The following EPS8 variants were observed in gnomAD, a reference collection of about 807,000 sequenced individuals.
EPS8 encodes EGFR pathway substrate 8, signaling adaptor, also known as epidermal growth factor receptor kinase substrate 8.
EPS8 carries 42 observed loss-of-function variants against 103.8 expected under a neutral mutation model. That is an observed-to-expected ratio of 0.40 (90% CI 0.32 to 0.52). The LOEUF (loss-of-function observed/expected upper bound fraction) is 0.52, where lower values mean the gene tolerates loss of function less well. Ranked by LOEUF, EPS8 falls within the 20% of genes least tolerant of loss-of-function variation. The pLI, the probability that EPS8 is intolerant of heterozygous loss-of-function variation, is 0.40. For synonymous variants in EPS8, 344 were observed against 344.6 expected, an observed-to-expected ratio of 1.00 and a Z score of 0.02; for missense variants, 969 against 1,005.1, an observed-to-expected ratio of 0.96 and a Z score of 0.49.
At chr12:15,705,324 AATAGAT>A (rs1452870017) in intron 1 of EPS8, among the ~76,000 whole-genome samples, 1 of 152,252 alleles carries the variant, frequency 6.6e-6, no homozygotes, top group African/African-American at 2.4e-5. Context: ...AATGATTTGT[AATAGAT>A]ATATTGTTTC....
intron 1 of EPS8, among the ~76,000 whole-genome samples, chr12:15,707,300 T>C (rs1462729347): frequency 3.3e-5 from 5 of 152,182 alleles, no homozygotes; most frequent in African/African-American, 1.2e-4. Flanking sequence ...ATTTTTGTTT[T>C]TAATAACCTA....
At chr12:15,708,558 G>A (rs767971660) in intron 1 of EPS8, among the ~76,000 whole-genome samples, 7 of 152,220 alleles carry the variant, frequency 4.6e-5, no homozygotes, top group Non-Finnish European at 7.3e-5. Flanking sequence ...GGCAATGTCT[G>A]AGATGTGTGC....
chr12:15,718,892 T>C (rs988607007), intron 1 of EPS8, among the ~76,000 whole-genome samples: 3 of 152,164 alleles, frequency 2.0e-5, no homozygotes, highest in Admixed American at 6.5e-5. Context: ...AAGGCATTTC[T>C]TACAGAAGTA....
At chr12:15,786,056 A>G (rs1337127216) in intron 1 of EPS8, among the ~76,000 whole-genome samples, 1 of 152,006 alleles carries the variant, frequency 6.6e-6, no homozygotes, top group Non-Finnish European at 1.5e-5. Context: ...CAAAGGGGGA[A>G]GCATAACTCT....
intron 1 of EPS8, among the ~76,000 whole-genome samples, chr12:15,782,631 A>G (rs1947271618): frequency 6.6e-6 from 1 of 152,064 alleles, no homozygotes. Flanking sequence ...AGTCTACTTT[A>G]TCATTTTATG....
At chr12:15,655,877 T>C (rs1945499151) in intron 12 of EPS8, among the ~76,000 whole-genome samples, 1 of 152,164 alleles carries the variant, frequency 6.6e-6, no homozygotes, top group Admixed American at 6.5e-5. Flanking sequence ...AGGCCCTGAA[T>C]AGATGTTCCT....
In EPS8 at chr12:15,688,786, C is replaced by T. The variant is rs1236400611; in HGVS notation, c.-21-5814G>A. Among the ~76,000 whole-genome samples the T allele has an allele frequency of 6.6e-6, 1 of 152,160 alleles. No individual in the cohort carries two copies. The highest frequency in any genetic ancestry group is 6.5e-5 in the Admixed American group (1 of 15,274). ...TTCTTCCCATACGCCAAGGCAATAA[C>T]CCCAGGATACAGAAAACCCCCTGTC... is the stretch of plus-strand genomic sequence containing the variant. On this transcript the variant is annotated intron_variant, in intron 1 of 20. Coordinates refer to ENST00000281172, the MANE Select transcript of EPS8 (RefSeq NM_004447.6). The surrounding 1 kb of genome is among the most constrained non-coding windows in gnomAD (Gnocchi z 5.1).
In EPS8 at chr12:15,665,774, C is replaced by T; in HGVS notation, c.718G>A (p.Ala240Thr). The change falls in exon 8 of 21, where the codon GCA (alanine) becomes ACA (threonine). Residue 240 changes from alanine (A) to threonine (T), a missense_variant. Coordinates refer to ENST00000281172, the MANE Select transcript of EPS8 (RefSeq NM_004447.6). Reference sequence around the variant, plus strand: ...GACTCACAGTCCCCTTGGTCGGCTGCCCATGCAGACCAGGCTGCCACTCGA... The same window carrying T: ...GACTCACAGTCCCCTTGGTCGGCTGTCCATGCAGACCAGGCTGCCACTCGA... Reference protein sequence around the residue: ...RSRVAAWSAWAADQGDFEKPR... With the variant: ...RSRVAAWSAWTADQGDFEKPR... 1 of 1,613,446 alleles carries T rather than the reference C, an allele frequency of 6.2e-7. No individual in the cohort carries two copies. Among genetic ancestry groups the T allele is most frequent in the Non-Finnish European group, 8.5e-7 (1 of 1,179,754 alleles).
rs538272312 is a variant in EPS8, at chr12:15,667,975, C to T, written c.516+1412G>A. Reference sequence around the variant, plus strand: ...TCACAGCATAGTAACTTTTAGCTCCCGGGGGGGGCTTTTTAGAACACAGAT... The same window carrying T: ...TCACAGCATAGTAACTTTTAGCTCCTGGGGGGGGCTTTTTAGAACACAGAT... On this transcript the variant is annotated intron_variant, in intron 6 of 20. Coordinates refer to ENST00000281172, the MANE Select transcript of EPS8 (RefSeq NM_004447.6). Among the ~76,000 whole-genome samples, 39 of 151,468 alleles carry T rather than the reference C, an allele frequency of 2.6e-4. 1 individual carries two copies. Among genetic ancestry groups the T allele is most frequent in the African/African-American group, 5.8e-4 (24 of 41,294 alleles).
At chr12:15,737,252 C>A (rs1946775750) in intron 1 of EPS8, among the ~76,000 whole-genome samples, 1 of 152,088 alleles carries the variant, frequency 6.6e-6, no homozygotes, top group Non-Finnish European at 1.5e-5. Context: ...GTTTAATTTT[C>A]TCCTTTTATG....
intron 12 of EPS8, 103 bp from the exon 13 acceptor site, chr12:15,654,396 T>C: frequency 3.0e-6 from 3 of 1,012,626 alleles, no homozygotes; most frequent in Non-Finnish European, 3.0e-6. Flanking sequence ...TACTTTTTAA[T>C]AGTCATATTA....
chr12:15,734,719 A>G lies in EPS8; in HGVS notation c.-21-51747T>C, dbSNP rs1946751552. 6.6e-6 allele frequency among the ~76,000 whole-genome samples: 1 copy of G among 152,152 alleles called. No homozygotes were observed. The highest frequency in any genetic ancestry group is 2.4e-5 in the African/African-American group (1 of 41,428). On this transcript the variant is annotated intron_variant, in intron 1 of 20. Coordinates refer to ENST00000281172, the MANE Select transcript of EPS8 (RefSeq NM_004447.6). This position sits in a 1 kb window ranked among gnomAD's most constrained non-coding sequence, Gnocchi z 4.1. ...GAGCGAGACTCTGTCTCAAAAACAA[A>G]AAACAAACAAACAAAAAAAAACAAA...
At chr12:15,624,680 G>C (rs1944916705) in intron 18 of EPS8, among the ~76,000 whole-genome samples, 1 of 152,150 alleles carries the variant, frequency 6.6e-6, no homozygotes, top group African/African-American at 2.4e-5. Context: ...GCCTGCACCT[G>C]CACAGCTGAA....
At position 15,776,869 on chromosome 12, in the gene EPS8, T is replaced by C. The variant is rs112681973; in HGVS notation, c.-22+12292A>G. On this transcript the variant is annotated intron_variant, in intron 1 of 20. Coordinates refer to ENST00000281172, the MANE Select transcript of EPS8 (RefSeq NM_004447.6). The surrounding 1 kb of genome is among the most constrained non-coding windows in gnomAD (Gnocchi z 4.2). The stretch of plus-strand genomic sequence containing the variant: ...CTTTATCTATTAGTTTGGAATCTTA[T>C]TGAAAATTTCATATTTCCCAGTAAT... Among the ~76,000 whole-genome samples the C allele has an allele frequency of 2.6e-5, 4 of 152,346 alleles. No homozygotes were observed. The highest frequency in any genetic ancestry group is 3.9e-4 in the East Asian group (2 of 5,192).
chr12:15,733,539 T>C lies in EPS8; in HGVS notation c.-21-50567A>G, dbSNP rs1946739198. Among the ~76,000 whole-genome samples the C allele has an allele frequency of 6.6e-6, 1 of 152,118 alleles. No individual in the cohort carries two copies. Among genetic ancestry groups the C allele is most frequent in the African/African-American group, 2.4e-5 (1 of 41,414 alleles). ...TTGGCACCTTTAAAAAGCCTAGATATACCTTTTGTGAGATGAAGAAAGAAT... is the reference window on the plus strand; with the variant it reads ...TTGGCACCTTTAAAAAGCCTAGATACACCTTTTGTGAGATGAAGAAAGAAT... On this transcript the variant is annotated intron_variant, in intron 1 of 20. Coordinates refer to ENST00000281172, the MANE Select transcript of EPS8 (RefSeq NM_004447.6). The surrounding 1 kb of genome is among the most constrained non-coding windows in gnomAD (Gnocchi z 4.8).
chr12:15,700,462 T>C lies in EPS8; in HGVS notation c.-21-17490A>G, dbSNP rs1918306. Among the ~76,000 whole-genome samples the C allele has an allele frequency of 0.94, 143,647 of 152,276 alleles. 68,319 individuals are homozygous for C. Among genetic ancestry groups the C allele is most frequent in the East Asian group, 1 (5,184 of 5,184 alleles). ...AATATAAATTCCTCTAAAATTTACA[T>C]AACTGGTCACCTGACTCCACTCCTT... On this transcript the variant is annotated intron_variant, in intron 1 of 20. Transcript: ENST00000281172. The surrounding 1 kb of genome is among the most constrained non-coding windows in gnomAD (Gnocchi z 5.1).
Position 15,688,316 on chromosome 12 carries a change from A to C in EPS8, c.-21-5344T>G, listed in dbSNP as rs758271272. On this transcript the variant is annotated intron_variant, in intron 1 of 20. Transcript: ENST00000281172. This position sits in a 1 kb window ranked among gnomAD's most constrained non-coding sequence, Gnocchi z 5.1. Reference sequence around the variant, plus strand: ...ATTTGCCTAAGTGGTAATGATACGGAAGGGAAGGGAGTGGTCCCTTTAAAT... The same window carrying C: ...ATTTGCCTAAGTGGTAATGATACGGCAGGGAAGGGAGTGGTCCCTTTAAAT... 1.3e-5 allele frequency among the ~76,000 whole-genome samples: 2 copies of C among 152,130 alleles called. No homozygotes were observed. The highest frequency in any genetic ancestry group is 2.4e-5 in the African/African-American group (1 of 41,410).
intron 8 of EPS8, among the ~76,000 whole-genome samples, chr12:15,663,873 A>T (rs1945650404): frequency 6.9e-6 from 1 of 144,880 alleles, no homozygotes; most frequent in Non-Finnish European, 1.5e-5. Flanking sequence ...GTAAGCTGAG[A>T]TCGCACCACT....
intron 9 of EPS8, 112 bp downstream of exon 9, chr12:15,661,914 A>G: frequency 1.3e-6 from 1 of 794,566 alleles, no homozygotes; most frequent in East Asian, 2.5e-5. Context: ...AGGTAACAGA[A>G]AACATGGTTT....
Sources: gnomAD v4.1 joint callset for allele counts (sites outside exome capture counted in the v4.1 genomes callset) on GRCh38, gnomAD v4.1.1 for gene constraint, Gnocchi (gnomAD v3.1) non-coding constraint, MANE v1.5 for transcripts, NCBI Gene and HGNC (gene_info 2026-07-23, HGNC 2026-07-21) for gene names.